LINGO2: variants seen among roughly 807,000 people sequenced by gnomAD.
LINGO2 encodes leucine-rich repeat and immunoglobulin-like domain-containing nogo receptor-interacting protein 2.
Under a neutral mutation model 30.6 loss-of-function variants are expected in LINGO2, and 14 were observed. That is an observed-to-expected ratio of 0.46 (90% confidence interval 0.30 to 0.72). The LOEUF is 0.72. Ranked by LOEUF, LINGO2 falls within the 30% of genes least tolerant of loss-of-function variation. LINGO2 has a pLI of 0.07. For synonymous variants in LINGO2, 317 were observed against 288.5 expected (o/e 1.10, Z -1.00); for missense variants, 729 against 751.7 (o/e 0.97, Z 0.35).
the LINGO2 span, among the ~76,000 whole-genome samples, chr9:29,143,279 CA>C: frequency 6.6e-6 from 1 of 152,028 alleles, no homozygotes; most frequent in Non-Finnish European, 1.5e-5. Flanking sequence ...CAATCCCTAT[CA>C]AAATTCCAAT....
At chr9:28,278,474 CTT>C (rs1564091556) in intron 4 of LINGO2, among the ~76,000 whole-genome samples, 1 of 152,156 alleles carries the variant, frequency 6.6e-6, no homozygotes, top group Non-Finnish European at 1.5e-5. Flanking sequence ...CAGCTGGTGA[CTT>C]TAAGTTGAAG....
At chr9:28,222,459 A>C (rs556049254) in intron 4 of LINGO2, among the ~76,000 whole-genome samples, 8 of 152,176 alleles carry the variant, frequency 5.3e-5, no homozygotes, top group Non-Finnish European at 1.0e-4. Context: ...ATTGGCATAC[A>C]GAATTTTATA....
At chr9:28,808,267 T>A in the LINGO2 span, among the ~76,000 whole-genome samples, 1 of 152,220 alleles carries the variant, frequency 6.6e-6, no homozygotes, top group Non-Finnish European at 1.5e-5. Flanking sequence ...GCCATCTGCT[T>A]ATTTTCAGTG....
chr9:29,030,067 A>G, the LINGO2 span, among the ~76,000 whole-genome samples: 1 of 152,188 alleles, frequency 6.6e-6, no homozygotes, highest in African/African-American at 2.4e-5. Flanking sequence ...TCAGGAAAAA[A>G]AGTGAAAGAT....
chr9:28,605,765 C>T (rs546602842), intron 1 of LINGO2, among the ~76,000 whole-genome samples: 47 of 152,092 alleles, frequency 3.1e-4, no homozygotes, highest in African/African-American at 8.9e-4. Context: ...CAACCTAGCA[C>T]CTGCTTTTAT....
intron 4 of LINGO2, among the ~76,000 whole-genome samples, chr9:28,156,566 T>C (rs1244097109): frequency 6.6e-6 from 1 of 152,238 alleles, no homozygotes. Flanking sequence ...GAAACAATAA[T>C]TGATGTATGC....
chr9:28,946,010 C>A, the LINGO2 span, among the ~76,000 whole-genome samples: 1 of 152,092 alleles, frequency 6.6e-6, no homozygotes, highest in Non-Finnish European at 1.5e-5. Flanking sequence ...CAAAAAGTTC[C>A]TCATAAATAT....
At chr9:28,799,681 A>G in the LINGO2 span, among the ~76,000 whole-genome samples, 2 of 152,270 alleles carry the variant, frequency 1.3e-5, no homozygotes, top group African/African-American at 2.4e-5. Flanking sequence ...TTCTGCATTT[A>G]TAAAGTAGAA....
At chr9:28,348,258 T>G (rs1488414013) in intron 3 of LINGO2, among the ~76,000 whole-genome samples, 1 of 151,798 alleles carries the variant, frequency 6.6e-6, no homozygotes, top group Non-Finnish European at 1.5e-5. Flanking sequence ...CACTAGGGAG[T>G]GCCAGACAGT....
chr9:28,722,676 T>A, the LINGO2 span, among the ~76,000 whole-genome samples: 1 of 152,156 alleles, frequency 6.6e-6, no homozygotes, highest in Admixed American at 6.6e-5. Context: ...TATTTATTTC[T>A]CTGTCTTTTG....
At chr9:28,700,022 A>G in the LINGO2 span, among the ~76,000 whole-genome samples, 1 of 151,934 alleles carries the variant, frequency 6.6e-6, no homozygotes, top group African/African-American at 2.4e-5. Flanking sequence ...AGAAGCAGTG[A>G]TCTTTGTTTT....
chr9:29,181,289 T>C, the LINGO2 span, among the ~76,000 whole-genome samples: 1 of 152,176 alleles, frequency 6.6e-6, no homozygotes. Flanking sequence ...AAATCACCAA[T>C]GGGTTCTTTG....
chr9:28,863,042 G>T, the LINGO2 span, among the ~76,000 whole-genome samples: 4 of 152,008 alleles, frequency 2.6e-5, no homozygotes, highest in East Asian at 5.8e-4. Flanking sequence ...AAGAGTAAAT[G>T]AAAATGAATG....
intron 4 of LINGO2, among the ~76,000 whole-genome samples, chr9:28,272,886 T>C (rs1822990836): frequency 6.6e-6 from 1 of 152,146 alleles, no homozygotes; most frequent in Admixed American, 6.5e-5. Flanking sequence ...TACCCCCATC[T>C]TCTCCTCACC....
At chr9:28,679,006 C>T in the LINGO2 span, among the ~76,000 whole-genome samples, 1 of 152,014 alleles carries the variant, frequency 6.6e-6, no homozygotes, top group African/African-American at 2.4e-5. Flanking sequence ...CAAAATCATA[C>T]AATATGTGGC....
the LINGO2 span, among the ~76,000 whole-genome samples, chr9:29,004,324 G>A: frequency 5.6e-4 from 85 of 151,666 alleles, no homozygotes; most frequent in African/African-American, 1.9e-3. Context: ...ATTTGTATAC[G>A]TATCAAAATG....
chr9:28,861,136 ATTTT>A, the LINGO2 span, among the ~76,000 whole-genome samples: 5 of 113,092 alleles, frequency 4.4e-5, no homozygotes, highest in African/African-American at 1.1e-4. Context: ...AATTATATAA[ATTTT>A]TATATAATTT....
chr9:29,101,904 G>T, the LINGO2 span, among the ~76,000 whole-genome samples: 1 of 152,110 alleles, frequency 6.6e-6, no homozygotes, highest in East Asian at 1.9e-4. Context: ...AGACAAAATG[G>T]TATATGTGAA....
At chr9:28,252,307 C>T (rs1421432560) in intron 4 of LINGO2, among the ~76,000 whole-genome samples, 2 of 152,008 alleles carry the variant, frequency 1.3e-5, no homozygotes, top group East Asian at 3.9e-4. Context: ...CTCACTGCAA[C>T]CTCTGCCTCC....
Sources: gnomAD v4.1 joint callset for allele counts (sites outside exome capture counted in the v4.1 genomes callset) on GRCh38, gnomAD v4.1.1 for gene constraint, MANE v1.5 for transcripts, NCBI Gene and HGNC (gene_info 2026-07-23, HGNC 2026-07-21) for gene names.